LRBA: variants seen among roughly 807,000 people sequenced by gnomAD.
LRBA encodes the protein lipopolysaccharide-responsive and beige-like anchor protein.
In LRBA, 176 loss-of-function variants were observed where a neutral mutation model predicts 330.0. The ratio of observed to expected loss-of-function variants is 0.53; its 90% confidence interval spans 0.47 to 0.60. The LOEUF is 0.60. Among genes scored for constraint, LRBA ranks in the 20% least tolerant of loss-of-function variants. The pLI is 0.00. For missense variants in LRBA, 3,259 were observed against 3,444.8 expected, an observed-to-expected ratio of 0.95 and a Z score of 1.35; for synonymous variants, 1,230 against 1,193.0, an observed-to-expected ratio of 1.03 and a Z score of -0.64.
At chr4:150,751,900 T>A (rs1389063934) in intron 35 of LRBA, among the ~76,000 whole-genome samples, 1 of 152,144 alleles carries the variant, frequency 6.6e-6, no homozygotes, top group Non-Finnish European at 1.5e-5. Flanking sequence ...GGTAAGCACA[T>A]ACACATTTTC....
intron 5 of LRBA, among the ~76,000 whole-genome samples, chr4:150,918,230 G>A (rs528007370): frequency 6.6e-6 from 1 of 152,228 alleles, no homozygotes; most frequent in Non-Finnish European, 1.5e-5. Context: ...TAAAGGACTT[G>A]TAACCAAAAT....
chr4:151,008,310 A>T (rs1051927757), intron 2 of LRBA, among the ~76,000 whole-genome samples: 2 of 151,956 alleles, frequency 1.3e-5, no homozygotes, highest in African/African-American at 4.8e-5. Flanking sequence ...CAAACTCCAG[A>T]CCTCAGGTGA....
intron 2 of LRBA, among the ~76,000 whole-genome samples, chr4:150,984,805 C>T (rs1332103116): frequency 3.3e-5 from 5 of 152,032 alleles, no homozygotes; most frequent in Non-Finnish European, 5.9e-5. Context: ...AGGAGAAAGG[C>T]TGAGGTAGCA....
intron 36 of LRBA, among the ~76,000 whole-genome samples, chr4:150,687,445 T>C (rs914239969): frequency 1.3e-5 from 2 of 152,110 alleles, no homozygotes; most frequent in Non-Finnish European, 2.9e-5. Flanking sequence ...ATTTTTTATG[T>C]TTTATATCAA....
chr4:150,437,907 T>C (rs1236506234), intron 44 of LRBA, among the ~76,000 whole-genome samples: 2 of 152,336 alleles, frequency 1.3e-5, no homozygotes, highest in South Asian at 2.1e-4. Context: ...TCTTTATTAT[T>C]GCTACTGCTG....
chr4:150,479,019 C>T (rs754778372), intron 42 of LRBA, among the ~76,000 whole-genome samples: 7 of 152,126 alleles, frequency 4.6e-5, no homozygotes, highest in Admixed American at 1.3e-4. Flanking sequence ...CACAGTGGCT[C>T]ATGCCTATAA....
At position 150,678,578 on chromosome 4, in the gene LRBA, C is replaced by T. The variant is rs185366225; in HGVS notation, c.5921+4973G>A. On this transcript the variant is annotated intron_variant, in intron 37 of 56. Transcript: ENST00000651943. ...AAATATACCTGTTTTCTTTAACTAACATCTCCATTGATTCTTCCATTTGTT... is the reference window on the plus strand; with the variant it reads ...AAATATACCTGTTTTCTTTAACTAATATCTCCATTGATTCTTCCATTTGTT... Among the ~76,000 whole-genome samples, 169 of 152,314 alleles carry T rather than the reference C, an allele frequency of 1.1e-3. 1 individual carries two copies. The South Asian group carries it at 0.016, about 14-fold the overall frequency.
chr4:150,665,614 C>T (rs1355231360), intron 37 of LRBA, among the ~76,000 whole-genome samples: 1 of 152,162 alleles, frequency 6.6e-6, no homozygotes, highest in Non-Finnish European at 1.5e-5. Context: ...TGTGCCTATT[C>T]CAGAATGTCA....
At chr4:150,989,601 A>G (rs922647371) in intron 2 of LRBA, among the ~76,000 whole-genome samples, 3 of 152,110 alleles carry the variant, frequency 2.0e-5, no homozygotes, top group African/African-American at 7.2e-5. Context: ...CGACAGAGCG[A>G]GACTCCATCT....
At chr4:150,997,924 C>T (rs921707689) in intron 2 of LRBA, among the ~76,000 whole-genome samples, 1 of 151,912 alleles carries the variant, frequency 6.6e-6, no homozygotes, top group African/African-American at 2.4e-5. Flanking sequence ...GGCTGGTCTC[C>T]GACTCCTGAC....
intron 56 of LRBA, among the ~76,000 whole-genome samples, chr4:150,276,093 C>T (rs1404637664): frequency 1.3e-5 from 2 of 152,102 alleles, no homozygotes; most frequent in Admixed American, 6.6e-5. Context: ...ATATATAGAC[C>T]AATGGAACAG....
At chr4:150,996,999 C>A (rs1476415066) in intron 2 of LRBA, among the ~76,000 whole-genome samples, 2 of 152,132 alleles carry the variant, frequency 1.3e-5, no homozygotes, top group African/African-American at 4.8e-5. Flanking sequence ...AGGTTCCATT[C>A]TATTATAACT....
rs747088769 is a variant in LRBA at position 150,608,868 on chromosome 4, G to T, written c.5922-9737C>A. 2.0e-5 allele frequency among the ~76,000 whole-genome samples: 3 copies of T among 152,284 alleles called. No individual in the cohort carries two copies. In the East Asian group the frequency reaches 5.8e-4, roughly 29 times the overall value. ...GAATCCATACAATATGTAGAATTGTGTGACTGGCTTCTTTCACTCAGCATA... is the reference window on the plus strand; with the variant it reads ...GAATCCATACAATATGTAGAATTGTTTGACTGGCTTCTTTCACTCAGCATA... On this transcript the variant is annotated intron_variant, in intron 37 of 56. Transcript: ENST00000651943.
chr4:150,821,477 G>C lies in LRBA; in HGVS notation c.5172-4220C>G, dbSNP rs563748397. Among the ~76,000 whole-genome samples the C allele has an allele frequency of 7.9e-5, 12 of 151,982 alleles. No individual in the cohort carries two copies. The East Asian group carries it at 2.3e-3, about 29-fold the overall frequency. Reference sequence around the variant, plus strand: ...ACCACACAGAACAAATGAAAATACTGTTGCTGGATTTTTTTTTTCCCCTGA... The same window carrying C: ...ACCACACAGAACAAATGAAAATACTCTTGCTGGATTTTTTTTTTCCCCTGA... On this transcript the variant is annotated intron_variant, in intron 30 of 56. Transcript: ENST00000651943.
intron 2 of LRBA, among the ~76,000 whole-genome samples, chr4:151,009,719 G>A (rs899635533): frequency 2.0e-5 from 3 of 152,082 alleles, no homozygotes; most frequent in Non-Finnish European, 2.9e-5. Flanking sequence ...GGTGGCTCAC[G>A]CCTGTAATCC....
chr4:150,513,674 T>C (rs1208488557), intron 40 of LRBA, among the ~76,000 whole-genome samples: 3 of 152,212 alleles, frequency 2.0e-5, no homozygotes, highest in African/African-American at 7.2e-5. Flanking sequence ...GATGACTTCC[T>C]GCTCCCTGTC....
At chr4:150,341,720 A>C (rs891124608) in intron 48 of LRBA, among the ~76,000 whole-genome samples, 1 of 151,198 alleles carries the variant, frequency 6.6e-6, no homozygotes, top group Admixed American at 6.6e-5. Flanking sequence ...TAATATATAT[A>C]TATTTATTTA....
intron 44 of LRBA, among the ~76,000 whole-genome samples, chr4:150,443,029 C>A (rs1335794193): frequency 6.6e-6 from 1 of 152,140 alleles, no homozygotes; most frequent in Non-Finnish European, 1.5e-5. Context: ...TAAATCATCT[C>A]ATTATCTTTA....
At chr4:150,267,488 TACA>T (rs1334852336) in intron 56 of LRBA, among the ~76,000 whole-genome samples, 3 of 151,374 alleles carry the variant, frequency 2.0e-5, no homozygotes, top group African/African-American at 7.3e-5. Context: ...GAAAAGGAAA[TACA>T]ACAAGCCAAA....
Sources: gnomAD v4.1 joint callset for allele counts (sites outside exome capture counted in the v4.1 genomes callset) on GRCh38, gnomAD v4.1.1 for gene constraint, MANE v1.5 for transcripts, NCBI Gene and HGNC (gene_info 2026-07-23, HGNC 2026-07-21) for gene names.